NPAS1: variants seen among roughly 807,000 people sequenced by gnomAD.
NPAS1 encodes neuronal PAS domain protein 1, also known as neuronal PAS domain-containing protein 1.
A neutral mutation model predicts 49.2 loss-of-function variants in NPAS1; 29 were observed. That is an observed-to-expected ratio of 0.59 (90% CI 0.44 to 0.80). The LOEUF (loss-of-function observed/expected upper bound fraction) is 0.80, where lower values mean the gene tolerates loss of function less well. Ranked by LOEUF, NPAS1 falls within the 30% of genes least tolerant of loss-of-function variation. The pLI, the probability that NPAS1 is intolerant of heterozygous loss-of-function variation, is 0.00. For missense variants in NPAS1, 825 were observed against 835.5 expected (o/e 0.99, Z 0.15); for synonymous variants, 408 against 380.4 (o/e 1.07, Z -0.84).
In NPAS1 at chr19:47,041,021, G is replaced by A; in HGVS notation, c.1113G>A (p.Leu371=). 6.4e-7 allele frequency: 1 copy of A among 1,556,100 alleles called. No individual in the cohort carries two copies. Among genetic ancestry groups the A allele is most frequent in the Non-Finnish European group, 8.7e-7 (1 of 1,153,710 alleles). Residue 371 remains leucine, a synonymous_variant, in exon 10 of 12, where the codon CTG becomes CTA. Transcript: ENST00000602212. Reference sequence around the variant, plus strand: ...TGATGACTGGTTACTACCGTTGGCTGCAGCGTGCCGGGGGCTTCGTGTGGC... The same window carrying A: ...TGATGACTGGTTACTACCGTTGGCTACAGCGTGCCGGGGGCTTCGTGTGGC... ...GQVMTGYYRW[L]QRAGGFVWLQ...
chr19:47,025,011 A>C (rs2056862781), intron 3 of NPAS1, among the ~76,000 whole-genome samples: 1 of 146,706 alleles, frequency 6.8e-6, no homozygotes. Context: ...GGGTTTCACC[A>C]TGTTGGCCAG....
chr19:47,039,226 C>A, intron 7 of NPAS1, 75 bp downstream of exon 7: 2 of 1,487,314 alleles, frequency 1.3e-6, no homozygotes, highest in Non-Finnish European at 1.8e-6. Context: ...GGGAACCAGG[C>A]TGGTGGCTTC....
intron 1 of NPAS1, among the ~76,000 whole-genome samples, chr19:47,020,671 G>T (rs2056833250): frequency 6.6e-6 from 1 of 151,712 alleles, no homozygotes; most frequent in South Asian, 2.1e-4. Context: ...CGCCCGGCTT[G>T]GGCATGCTTG....
At position 47,036,005 on chromosome 19, in the gene NPAS1, T is replaced by C. The variant is rs1236037003; in HGVS notation, c.564T>C (p.Pro188=). Reference sequence around the variant, plus strand: ...GCAGCGTCTTCGACTACATTCACCCTGGGGACCACTCAGAGGTGCTGGAGC... The same window carrying C: ...GCAGCGTCTTCGACTACATTCACCCCGGGGACCACTCAGAGGTGCTGGAGC... ...TGSSVFDYIH[P]GDHSEVLEQL... The change falls in exon 6 of 12, where the codon CCT becomes CCC. Residue 188 remains proline, a synonymous_variant. Coordinates refer to ENST00000602212, the MANE Select transcript of NPAS1 (RefSeq NM_002517.4). 1 of 1,581,850 alleles carries C rather than the reference T, an allele frequency of 6.3e-7. No homozygotes were observed. Among genetic ancestry groups the C allele is most frequent in the African/African-American group, 1.4e-5 (1 of 73,526 alleles).
chr19:47,037,178 C>A (rs1412416079), intron 6 of NPAS1, among the ~76,000 whole-genome samples: 1 of 151,330 alleles, frequency 6.6e-6, no homozygotes. Flanking sequence ...ATGGTGAAAC[C>A]CCATCTCTAC....
chr19:47,035,320 C>T (rs1036701638), intron 5 of NPAS1: 1 of 152,360 alleles, frequency 6.6e-6, no homozygotes, highest in Non-Finnish European at 1.5e-5. Flanking sequence ...GACCTCCAAG[C>T]TGAGGGGCAA....
intron 5 of NPAS1, chr19:47,035,205 AG>A (rs2056941963): frequency 6.5e-6 from 1 of 153,416 alleles, no homozygotes; most frequent in Admixed American, 6.5e-5. Flanking sequence ...AAGAAGAAGA[AG>A]AAGAAGAAGA....
chr19:47,043,514 C>T (rs1309960516), intron 11 of NPAS1, among the ~76,000 whole-genome samples: 2 of 151,974 alleles, frequency 1.3e-5, no homozygotes, highest in Admixed American at 6.6e-5. Context: ...CGCTTGAACC[C>T]GGAGGGCAGA....
At chr19:47,025,107 C>T (rs992065272) in intron 3 of NPAS1, among the ~76,000 whole-genome samples, 1 of 135,062 alleles carries the variant, frequency 7.4e-6, no homozygotes, top group Admixed American at 8.5e-5. Context: ...TTACAGCCTT[C>T]TTTCTTCCCA....
chr19:47,023,395 T>G (rs2056853735), intron 3 of NPAS1, among the ~76,000 whole-genome samples: 1 of 152,106 alleles, frequency 6.6e-6, no homozygotes, highest in African/African-American at 2.4e-5. Flanking sequence ...GAGCATGGAC[T>G]TAATCGATCC....
chr19:47,035,221 G>GAAGAAGAAGAAGAAGAAGAAGAA (rs56400118), intron 5 of NPAS1: 2 of 151,780 alleles, frequency 1.3e-5, no homozygotes, highest in African/African-American at 4.9e-5. Flanking sequence ...AGAAGAAGAA[G>GAAGAAGAAGAAGAAGAAGAAGAA]GAAAGGCTTG....
At chr19:47,043,089 G>T (rs113412630) in intron 11 of NPAS1, among the ~76,000 whole-genome samples, 185 bp downstream of exon 11, 1 of 148,034 alleles carries the variant, frequency 6.8e-6, no homozygotes, top group Non-Finnish European at 1.5e-5. Flanking sequence ...GGTGGATCAC[G>T]AGGTCAAGAG....
intron 5 of NPAS1, among the ~76,000 whole-genome samples, chr19:47,035,030 A>G (rs1428879731): frequency 1.3e-5 from 2 of 151,658 alleles, no homozygotes; most frequent in East Asian, 2.0e-4. Flanking sequence ...AAAAATACAA[A>G]ATTAGCCAGG....
Position 47,045,468 on chromosome 19 carries a change from G to A in NPAS1, c.1590G>A (p.Pro530=), listed in dbSNP as rs750458086. Residue 530 remains proline, a synonymous_variant, in exon 12 of 12, where the codon CCG becomes CCA. Coordinates refer to ENST00000602212, the MANE Select transcript of NPAS1 (RefSeq NM_002517.4). ...CCCTCCTGCACGCGGGCTTCCTGCC[G>A]CCGGTGGTGCGGGGCCTGTGCACAC... ...PPTLLHAGFL[P]PVVRGLCTPG... is the part of the protein sequence containing the mutation. The A allele has an allele frequency of 5.7e-6, 9 of 1,579,746 alleles. No homozygotes were observed. The highest frequency in any genetic ancestry group is 2.3e-5 in the East Asian group (1 of 42,764).
At position 47,045,477 on chromosome 19, in the gene NPAS1, G is replaced by A. The variant is rs1365097356; in HGVS notation, c.1599G>A (p.Val533=). The A allele has an allele frequency of 1.9e-6, 3 of 1,573,564 alleles. No homozygotes were observed. The South Asian group carries it at 3.4e-5, about 18-fold the overall frequency. The change falls in exon 12 of 12, where the codon GTG becomes GTA. Residue 533 remains valine, a synonymous_variant. Transcript: ENST00000602212. ...LLHAGFLPPV[V]RGLCTPGTIR... ...ACGCGGGCTTCCTGCCGCCGGTGGT[G>A]CGGGGCCTGTGCACACCCGGCACCA...
intron 5 of NPAS1, 169 bp from the exon 6 acceptor site, chr19:47,035,795 C>A (rs1250043201): frequency 1.1e-5 from 7 of 660,296 alleles, no homozygotes; most frequent in Non-Finnish European, 1.7e-5. Context: ...AAGTTTGTAT[C>A]TTCCGTTTGA....
chr19:47,042,647 C>T (rs745381427), intron 10 of NPAS1, among the ~76,000 whole-genome samples, 163 bp from the exon 11 acceptor site: 37 of 152,204 alleles, frequency 2.4e-4, no homozygotes, highest in Admixed American at 1.2e-3. Context: ...GAAGTCAACC[C>T]GGAGTTTAGG....
chr19:47,021,620 C>G lies in NPAS1; in HGVS notation c.131C>G (p.Ala44Gly). ...CCGCGCCGCCCGCCCAGCCTGCAGG[C>G]GCAGCGCAAGGAGAAGTCCCGGAAC... is the stretch of plus-strand genomic sequence containing the variant. Reference protein sequence around the residue: ...VKAPSGPCLQAQRKEKSRNAA... With the variant: ...VKAPSGPCLQGQRKEKSRNAA... The change falls in exon 3 of 12, where the codon GCG becomes GGG. Residue 44 changes from alanine to glycine, a missense_variant. By Grantham distance (60) the Ala-to-Gly change is moderately conservative (BLOSUM62 0). Transcript: ENST00000602212. This position sits in a 1 kb window ranked among gnomAD's most constrained non-coding sequence, Gnocchi z 5.7. 6.6e-7 allele frequency: 1 copy of G among 1,511,056 alleles called. No homozygotes were observed. The highest frequency in any genetic ancestry group is 8.9e-7 in the Non-Finnish European group (1 of 1,129,184). 93.6% of individuals were successfully genotyped at this position (1,511,056 alleles called of 1,614,324 possible).
intron 3 of NPAS1, among the ~76,000 whole-genome samples, chr19:47,022,904 TA>T (rs2056850426): frequency 1.3e-5 from 2 of 152,246 alleles, no homozygotes; most frequent in Middle Eastern, 3.2e-3. Flanking sequence ...ATGTGTTTGT[TA>T]CAGCTTTGCG....
Sources: allele counts gnomAD v4.1 joint callset (sites outside exome capture counted in the v4.1 genomes callset), GRCh38; gene constraint gnomAD v4.1.1; non-coding constraint Gnocchi (gnomAD v3.1); transcripts MANE v1.5; gene names NCBI Gene and HGNC (gene_info 2026-07-23, HGNC 2026-07-21).